ZHX3: variants seen among roughly 807,000 people sequenced by gnomAD.
ZHX3 encodes the protein zinc fingers and homeoboxes 3.
A neutral mutation model predicts 64.5 loss-of-function variants in ZHX3; 20 were observed. The observed-to-expected ratio is 0.31, with a 90% CI of 0.22 to 0.45. ZHX3 has a LOEUF of 0.45. Among genes scored for constraint, ZHX3 ranks in the 20% least tolerant of loss-of-function variants. The pLI, the probability that ZHX3 is intolerant of heterozygous loss-of-function variation, is 1.00. For missense variants in ZHX3, 1,041 were observed against 1,195.8 expected, an observed-to-expected ratio of 0.87 and a Z score of 1.91; for synonymous variants, 423 against 461.6, an observed-to-expected ratio of 0.92 and a Z score of 1.07.
chr20:41,202,953 T>A lies in ZHX3; in HGVS notation c.1964A>T (p.Glu655Val). The A allele has an allele frequency of 6.2e-7, 1 of 1,614,118 alleles. No individual in the cohort carries two copies. Among genetic ancestry groups the A allele is most frequent in the East Asian group, 2.2e-5 (1 of 44,876 alleles). The change falls in exon 3 of 4, where the codon GAA (glutamate) becomes GTA (valine). Residue 655 changes from glutamate to valine, a missense_variant. Coordinates refer to ENST00000683867, the MANE Select transcript of ZHX3 (RefSeq NM_001384317.1). This position sits in a 1 kb window ranked among gnomAD's most constrained non-coding sequence, Gnocchi z 7.0. ...TCTCTCTGAAAACCAGCTATCAATT[T>A]CTCGTCGGGTCATTTTGGTTTCACT... Reference protein sequence around the residue: ...LRSETKMTRREIDSWFSERRK... With the variant: ...LRSETKMTRRVIDSWFSERRK...
At chr20:41,261,595 T>C (rs1406695450) in intron 2 of ZHX3, among the ~76,000 whole-genome samples, 1 of 152,214 alleles carries the variant, frequency 6.6e-6, no homozygotes, top group African/African-American at 2.4e-5. Context: ...TTGGGCCTGT[T>C]GTGAAGACTA....
Position 41,184,817 on chromosome 20 carries a change from G to T in ZHX3, c.*374C>A. The T allele has an allele frequency of 1.5e-6, 2 of 1,359,788 alleles. No individual in the cohort carries two copies. Among genetic ancestry groups the T allele is most frequent in the East Asian group, 2.5e-5 (1 of 39,706 alleles). 84.2% of individuals were successfully genotyped at this position (1,359,788 alleles called of 1,614,324 possible). ...CTGCTTGGCTAACCAAAGTTTCTAC[G>T]TAATGACAGTGTTGATAATCTGATG... On this transcript the variant is annotated 3_prime_UTR_variant, in exon 4 of 4. Coordinates refer to ENST00000683867, the MANE Select transcript of ZHX3 (RefSeq NM_001384317.1).
At chr20:41,279,687 A>G (rs543474706) in intron 1 of ZHX3, among the ~76,000 whole-genome samples, 2 of 152,210 alleles carry the variant, frequency 1.3e-5, no homozygotes, top group African/African-American at 4.8e-5. Context: ...AGCACAGGAT[A>G]AACAGGAAAG....
At position 41,195,865 on chromosome 20, in the gene ZHX3, T is replaced by C. The variant is rs2037440475; in HGVS notation, c.2860+6192A>G. On this transcript the variant is annotated intron_variant, in intron 3 of 3. Coordinates refer to ENST00000683867, the MANE Select transcript of ZHX3 (RefSeq NM_001384317.1). The surrounding 1 kb of genome is among the most constrained non-coding windows in gnomAD (Gnocchi z 4.2). ...TATGATTTCTTTGACCCATTAGTTT[T>C]TAAATAGTGTGTTAATTTCCACCTA... is the stretch of plus-strand genomic sequence containing the variant. Among the ~76,000 whole-genome samples, 1 of 152,222 alleles carries C rather than the reference T, an allele frequency of 6.6e-6. No homozygotes were observed. The highest frequency in any genetic ancestry group is 1.9e-4 in the East Asian group (1 of 5,198).
rs2040163245 is a variant in ZHX3, at chr20:41,224,876, A to T, written c.-150-19810T>A. 6.6e-6 allele frequency among the ~76,000 whole-genome samples: 1 copy of T among 152,258 alleles called. No homozygotes were observed. The highest frequency in any genetic ancestry group is 2.1e-4 in the South Asian group (1 of 4,830). ...AAGCTGAATTATTCTCTATCACAGC[A>T]TCCTAATTGTTTCTTTCATAACATT... On this transcript the variant is annotated intron_variant, in intron 2 of 3. Coordinates refer to ENST00000683867, the MANE Select transcript of ZHX3 (RefSeq NM_001384317.1). The surrounding 1 kb of genome is among the most constrained non-coding windows in gnomAD (Gnocchi z 5.2).
chr20:41,277,114 T>C (rs1428651469), intron 1 of ZHX3, among the ~76,000 whole-genome samples: 1 of 152,072 alleles, frequency 6.6e-6, no homozygotes, highest in Non-Finnish European at 1.5e-5. Context: ...TTTTCTAGAG[T>C]GGCAAAAATG....
chr20:41,215,635 T>C (rs991537627), intron 2 of ZHX3, among the ~76,000 whole-genome samples: 23 of 151,872 alleles, frequency 1.5e-4, no homozygotes, highest in Non-Finnish European at 2.6e-4. Flanking sequence ...CCAGTATTTA[T>C]CATTAAAAAC....
Position 41,294,720 on chromosome 20 carries a change from A to AT in ZHX3, c.-245+22788dup, listed in dbSNP as rs199627844. ...AAAAATCCACATTATTTATTGATTG[A>AT]TTTTTTGAGATGGAGTCTTGCTCTG... On this transcript the variant is annotated intron_variant, in intron 1 of 3. Coordinates refer to ENST00000683867, the MANE Select transcript of ZHX3 (RefSeq NM_001384317.1). Among the ~76,000 whole-genome samples, 897 of 151,670 alleles carry AT rather than the reference A, an allele frequency of 5.9e-3. 7 individuals are homozygous for AT. Among genetic ancestry groups the AT allele is most frequent in the African/African-American group, 0.02 (837 of 41,324 alleles).
chr20:41,199,054 G>C (rs1228812027), intron 3 of ZHX3, among the ~76,000 whole-genome samples: 1 of 151,734 alleles, frequency 6.6e-6, no homozygotes, highest in Non-Finnish European at 1.5e-5. Flanking sequence ...ATACTTTTTA[G>C]CTCTAGAATT....
At chr20:41,225,634 C>T (rs1425353118) in intron 2 of ZHX3, among the ~76,000 whole-genome samples, 1 of 152,094 alleles carries the variant, frequency 6.6e-6, no homozygotes, top group Non-Finnish European at 1.5e-5. Flanking sequence ...ATTATAGGCA[C>T]CTACCACCAC....
chr20:41,273,222 G>T (rs2043229022), intron 1 of ZHX3, among the ~76,000 whole-genome samples: 1 of 151,880 alleles, frequency 6.6e-6, no homozygotes, highest in Non-Finnish European at 1.5e-5. Context: ...ATTTTAATTG[G>T]GTTATCTTTT....
chr20:41,203,782 C>T lies in ZHX3; in HGVS notation c.1135G>A (p.Val379Ile). ...GTGGGCTGAGGCACAGACTGGATGA[C>T]TGTATTGAACATCTTTTTCCGGGCA... is the stretch of plus-strand genomic sequence containing the variant. ...EDARKKMFNT[V>I]IQSVPQPTIT... Residue 379 changes from valine (V) to isoleucine (I), a missense_variant, in exon 3 of 4, where the codon GTC becomes ATC. By Grantham distance (29) the Val-to-Ile change is conservative (BLOSUM62 3). This residue lies in a region of ZHX3 where 649 missense variants were observed against 739.8 expected (regional missense o/e 0.88). Coordinates refer to ENST00000683867, the MANE Select transcript of ZHX3 (RefSeq NM_001384317.1). This position sits in a 1 kb window ranked among gnomAD's most constrained non-coding sequence, Gnocchi z 7.1. 1 of 1,614,266 alleles carries T rather than the reference C, an allele frequency of 6.2e-7. No individual in the cohort carries two copies.
intron 2 of ZHX3, among the ~76,000 whole-genome samples, chr20:41,250,839 T>C (rs2041956406): frequency 6.6e-6 from 1 of 151,832 alleles, no homozygotes. Context: ...CGACAACAGG[T>C]TTCTTATCTA....
chr20:41,293,043 G>A (rs2044328606), intron 1 of ZHX3, among the ~76,000 whole-genome samples: 1 of 152,156 alleles, frequency 6.6e-6, no homozygotes, highest in African/African-American at 2.4e-5. Context: ...TTTGATTATA[G>A]GGTGTCAAAT....
chr20:41,207,441 GAAGTA>G (rs1274567369), intron 2 of ZHX3, among the ~76,000 whole-genome samples: 1 of 152,112 alleles, frequency 6.6e-6, no homozygotes, highest in East Asian at 1.9e-4. Flanking sequence ...CACATAGTTG[GAAGTA>G]AAGCACTCCT....
At chr20:41,267,259 A>G (rs1422962732) in intron 2 of ZHX3, among the ~76,000 whole-genome samples, 4 of 131,814 alleles carry the variant, frequency 3.0e-5, no homozygotes, top group Admixed American at 3.0e-4. Flanking sequence ...TAAAGTGGCT[A>G]TAAATTACCT....
intron 2 of ZHX3, among the ~76,000 whole-genome samples, chr20:41,265,095 A>T (rs1341814665): frequency 1.3e-5 from 2 of 152,198 alleles, no homozygotes; most frequent in Admixed American, 1.3e-4. Flanking sequence ...AAAATGAAGG[A>T]GAGACACAAA....
intron 1 of ZHX3, among the ~76,000 whole-genome samples, chr20:41,274,423 TGAGA>T: frequency 6.6e-6 from 1 of 152,294 alleles, no homozygotes; most frequent in East Asian, 1.9e-4. Context: ...CACAGAAGCT[TGAGA>T]GTCAGAGCTT....
intron 1 of ZHX3, among the ~76,000 whole-genome samples, chr20:41,313,365 A>G (rs2045196809): frequency 6.6e-6 from 1 of 152,116 alleles, no homozygotes. Flanking sequence ...ATCTGCATCC[A>G]GGGGGTTCTA....
Sources: gnomAD v4.1 joint callset for allele counts (sites outside exome capture counted in the v4.1 genomes callset) on GRCh38, gnomAD v4.1.1 for gene constraint, gnomAD v4.1.1 regional missense constraint, Gnocchi (gnomAD v3.1) non-coding constraint, MANE v1.5 for transcripts, NCBI Gene and HGNC (gene_info 2026-07-23, HGNC 2026-07-21) for gene names.